Variants in MBNL2 observed in about 807,000 individuals in gnomAD.
MBNL2 encodes muscleblind like splicing regulator 2.
Under a neutral mutation model 41.9 loss-of-function variants are expected in MBNL2, and 17 were observed. The observed-to-expected ratio is 0.41, with a 90% CI of 0.28 to 0.61. The LOEUF is 0.61. Ranked by LOEUF, MBNL2 falls within the 20% of genes least tolerant of loss-of-function variation. MBNL2 has a pLI of 0.35. For missense variants in MBNL2, 336 were observed against 505.6 expected (o/e 0.66, Z 3.22); for synonymous variants, 195 against 182.9 (o/e 1.07, Z -0.53).
chr13:97,363,779 T>A (rs1207443940), intron 7 of MBNL2, among the ~76,000 whole-genome samples: 2 of 152,156 alleles, frequency 1.3e-5, no homozygotes, highest in Non-Finnish European at 2.9e-5. Flanking sequence ...CACACATTTG[T>A]TGAAGAATCT....
intron 7 of MBNL2, among the ~76,000 whole-genome samples, chr13:97,360,984 G>A (rs569597470): frequency 6.6e-6 from 1 of 152,354 alleles, no homozygotes; most frequent in East Asian, 1.9e-4. Context: ...AGTGGCATCT[G>A]TATCTGCATA....
chr13:97,346,167 TGATA>T lies in MBNL2; in HGVS notation c.541-632_541-629del, dbSNP rs979208931. On this transcript the variant is annotated intron_variant, in intron 4 of 8. Transcript: ENST00000679496. This position sits in a 1 kb window ranked among gnomAD's most constrained non-coding sequence, Gnocchi z 4.2. Reference sequence around the variant, plus strand: ...GATAGATGGTAGGTAGGTAGATAGATGATAGATAATATTAGGTTGGTGCAAAAGT... The same window carrying T: ...GATAGATGGTAGGTAGGTAGATAGATGATAATATTAGGTTGGTGCAAAAGT... 3.3e-5 allele frequency among the ~76,000 whole-genome samples: 5 copies of T among 152,050 alleles called. No individual in the cohort carries two copies. Among genetic ancestry groups the T allele is most frequent in the Non-Finnish European group, 5.9e-5 (4 of 68,004 alleles).
chr13:97,188,706 A>C, the MBNL2 span, among the ~76,000 whole-genome samples: 2 of 151,178 alleles, frequency 1.3e-5, no homozygotes, highest in Admixed American at 6.6e-5. Flanking sequence ...CACTCAGCCC[A>C]CCCTGATTTC....
At chr13:97,357,817 G>T in intron 7 of MBNL2, 182 bp downstream of exon 7, 4 of 679,602 alleles carry the variant, frequency 5.9e-6, no homozygotes, top group South Asian at 4.9e-5. Flanking sequence ...AGACTGTTAG[G>T]ATTCTAAAGC....
chr13:97,164,419 G>T, the MBNL2 span, among the ~76,000 whole-genome samples: 1 of 152,184 alleles, frequency 6.6e-6, no homozygotes, highest in South Asian at 2.1e-4. Context: ...TTAGTGCAAT[G>T]CCTGGTACAC....
intron 2 of MBNL2, among the ~76,000 whole-genome samples, chr13:97,284,388 T>G (rs1162180974): frequency 2.0e-5 from 3 of 152,176 alleles, no homozygotes; most frequent in Non-Finnish European, 4.4e-5. Context: ...AATCTCTACC[T>G]GCCTCTTCAG....
At chr13:97,348,302 T>G (rs184211986) in intron 5 of MBNL2, among the ~76,000 whole-genome samples, 269 of 152,054 alleles carry the variant, frequency 1.8e-3, no homozygotes, top group Non-Finnish European at 2.9e-3. Context: ...ATCAAGCAAT[T>G]CTCACACCTT....
the MBNL2 span, among the ~76,000 whole-genome samples, chr13:97,171,472 T>A: frequency 5.9e-5 from 9 of 152,090 alleles, no homozygotes; most frequent in South Asian, 2.1e-4. Context: ...TGTAAAAAAA[T>A]TTTTTTGAAG....
intron 2 of MBNL2, among the ~76,000 whole-genome samples, chr13:97,329,860 C>T (rs1006925808): frequency 1.3e-5 from 2 of 152,112 alleles, no homozygotes; most frequent in East Asian, 1.9e-4. Context: ...TTGACCACCA[C>T]ACACTCCCTT....
intron 2 of MBNL2, among the ~76,000 whole-genome samples, chr13:97,326,325 A>G (rs2059909942): frequency 6.6e-6 from 1 of 152,180 alleles, no homozygotes; most frequent in African/African-American, 2.4e-5. Flanking sequence ...TACACTGCCA[A>G]ATATTCCTTA....
chr13:97,150,497 T>C, the MBNL2 span, among the ~76,000 whole-genome samples: 4 of 151,946 alleles, frequency 2.6e-5, no homozygotes, highest in Admixed American at 2.6e-4. Context: ...CCAATAAGAG[T>C]AAAATTTCAG....
the MBNL2 span, among the ~76,000 whole-genome samples, chr13:97,161,638 T>C: frequency 6.6e-6 from 1 of 152,162 alleles, no homozygotes; most frequent in East Asian, 1.9e-4. Flanking sequence ...CTTGGAAGTG[T>C]CAAAAATACA....
At position 97,343,003 on chromosome 13, in the gene MBNL2, C is replaced by T; in HGVS notation, c.340-13C>T. 6.4e-7 allele frequency: 1 copy of T among 1,565,772 alleles called. No individual in the cohort carries two copies. The highest frequency in any genetic ancestry group is 1.7e-4 in the Middle Eastern group (1 of 5,970). ...TAAATAACTCTTTCTCCTGTGTTGT[C>T]TTCCTTTAACAGCCCACTTTCCCTG... On this transcript the variant is annotated splice_polypyrimidine_tract_variant and intron_variant, in intron 3 of 8. Transcript: ENST00000679496.
chr13:97,285,360 C>A (rs1048826447), intron 2 of MBNL2, among the ~76,000 whole-genome samples: 1 of 152,138 alleles, frequency 6.6e-6, no homozygotes, highest in Non-Finnish European at 1.5e-5. Flanking sequence ...GTGATATGAA[C>A]AAATGACTCA....
chr13:97,144,132 C>A, the MBNL2 span, among the ~76,000 whole-genome samples: 2 of 152,212 alleles, frequency 1.3e-5, no homozygotes, highest in East Asian at 3.9e-4. Flanking sequence ...GCATGAGCCA[C>A]CACGCCCGGC....
the MBNL2 span, among the ~76,000 whole-genome samples, chr13:97,191,261 C>T: frequency 1.3e-5 from 2 of 151,268 alleles, no homozygotes; most frequent in African/African-American, 2.4e-5. Flanking sequence ...TGGGGTGGAG[C>T]CACAGAAGTG....
intron 8 of MBNL2, among the ~76,000 whole-genome samples, chr13:97,388,965 C>T (rs1486531447): frequency 6.6e-6 from 1 of 152,160 alleles, no homozygotes; most frequent in East Asian, 1.9e-4. Context: ...GTTTTTTATA[C>T]CAAATGACAG....
chr13:97,358,607 G>A (rs931202802), intron 7 of MBNL2, among the ~76,000 whole-genome samples: 6 of 151,932 alleles, frequency 3.9e-5, no homozygotes, highest in South Asian at 2.1e-4. Context: ...CACACCATAC[G>A]CAAAGATAGT....
chr13:97,149,795 T>C, the MBNL2 span, among the ~76,000 whole-genome samples: 1 of 152,182 alleles, frequency 6.6e-6, no homozygotes, highest in African/African-American at 2.4e-5. Flanking sequence ...TACAGTTTTT[T>C]CTAATGGCAT....
Sources: allele counts gnomAD v4.1 joint callset (sites outside exome capture counted in the v4.1 genomes callset), GRCh38; gene constraint gnomAD v4.1.1; non-coding constraint Gnocchi (gnomAD v3.1); transcripts MANE v1.5; gene names NCBI Gene and HGNC (gene_info 2026-07-23, HGNC 2026-07-21).